Variants in PAQR5 observed in about 807,000 individuals in gnomAD.
The protein encoded by PAQR5 is membrane progestin receptor gamma.
A neutral mutation model predicts 34.5 loss-of-function variants in PAQR5; 20 were observed. That is an observed-to-expected ratio of 0.58 (90% CI 0.41 to 0.84). The LOEUF (loss-of-function observed/expected upper bound fraction) is 0.84, where lower values mean the gene tolerates loss of function less well. Among genes scored for constraint, PAQR5 ranks in the 40% least tolerant of loss-of-function variants. The pLI is 0.00. For missense variants in PAQR5, 378 were observed against 412.7 expected (o/e 0.92, Z 0.73); for synonymous variants, 131 against 155.6 (o/e 0.84, Z 1.18).
At chr15:69,389,223 G>A (rs530234516) in intron 5 of PAQR5, among the ~76,000 whole-genome samples, 3 of 152,268 alleles carry the variant, frequency 2.0e-5, no homozygotes, top group South Asian at 2.1e-4. Flanking sequence ...TGGGTCTGTC[G>A]TCATGGACCA....
chr15:69,301,851 G>A (rs1324207941), intron 1 of PAQR5, among the ~76,000 whole-genome samples: 1 of 119,092 alleles, frequency 8.4e-6, no homozygotes, highest in Non-Finnish European at 1.9e-5. Flanking sequence ...CATAAGAAAT[G>A]GGGGGAGATT....
intron 1 of PAQR5, among the ~76,000 whole-genome samples, chr15:69,323,598 A>G (rs941855641): frequency 3.3e-5 from 5 of 152,206 alleles, no homozygotes; most frequent in African/African-American, 1.2e-4. Context: ...ACCTGCCAAG[A>G]GTTAGAGGAC....
At chr15:69,382,979 G>C (rs753674206) in intron 4 of PAQR5, 2 of 151,568 alleles carry the variant, frequency 1.3e-5, no homozygotes, top group African/African-American at 4.9e-5. Context: ...GGGAGGTAAT[G>C]AGCCCCCCAT....
At chr15:69,328,698 G>A (rs774292740) in intron 1 of PAQR5, among the ~76,000 whole-genome samples, 14 of 152,196 alleles carry the variant, frequency 9.2e-5, no homozygotes, top group Non-Finnish European at 1.3e-4. Flanking sequence ...GACATGGATG[G>A]CAACCCCTCC....
At chr15:69,351,194 A>G (rs1024104906) in intron 2 of PAQR5, among the ~76,000 whole-genome samples, 2 of 152,252 alleles carry the variant, frequency 1.3e-5, no homozygotes, top group African/African-American at 4.8e-5. Flanking sequence ...AACATAATAA[A>G]TCAAAAACAA....
intron 5 of PAQR5, 99 bp from the exon 6 acceptor site, chr15:69,389,555 A>C: frequency 1.3e-6 from 2 of 1,495,252 alleles, no homozygotes; most frequent in East Asian, 2.3e-5. Flanking sequence ...GACTGTGGGA[A>C]TGATAAGGGC....
chr15:69,315,994 G>A (rs1382147479), intron 1 of PAQR5, among the ~76,000 whole-genome samples: 2 of 152,162 alleles, frequency 1.3e-5, no homozygotes, highest in Non-Finnish European at 1.5e-5. Context: ...AAGGCGGAGG[G>A]CTTACTATTT....
In PAQR5 at chr15:69,323,055, A is replaced by G. The variant is rs530070281; in HGVS notation, c.-276-14286A>G. Among the ~76,000 whole-genome samples, 26 of 152,014 alleles carry G rather than the reference A, an allele frequency of 1.7e-4. 1 individual carries two copies. Among genetic ancestry groups the G allele is most frequent in the Admixed American group, 4.6e-4 (7 of 15,260 alleles). On this transcript the variant is annotated intron_variant, in intron 1 of 8. Coordinates refer to ENST00000395407, the MANE Select transcript of PAQR5 (RefSeq NM_017705.4). ...GATATGCTAAGGAGTGGGGTTTTCC[A>G]GGACCTACTGCTGGGGACTGCGCTA...
intron 1 of PAQR5, among the ~76,000 whole-genome samples, chr15:69,332,351 A>G (rs2054400770): frequency 6.6e-6 from 1 of 152,130 alleles, no homozygotes; most frequent in African/African-American, 2.4e-5. Flanking sequence ...ACTGGATGAA[A>G]TTTCTCTGTC....
chr15:69,345,659 T>A (rs891913485), intron 2 of PAQR5, among the ~76,000 whole-genome samples: 1 of 152,172 alleles, frequency 6.6e-6, no homozygotes, highest in Non-Finnish European at 1.5e-5. Context: ...TCCTGGAGAG[T>A]GCATTAAACA....
chr15:69,401,094 G>C (rs1018407669), intron 8 of PAQR5: 2 of 152,324 alleles, frequency 1.3e-5, no homozygotes, highest in African/African-American at 2.4e-5. Flanking sequence ...TCCCCGCTCT[G>C]TCTAGGGAAG....
chr15:69,389,280 A>G (rs2056192356), intron 5 of PAQR5, among the ~76,000 whole-genome samples: 1 of 152,238 alleles, frequency 6.6e-6, no homozygotes, highest in African/African-American at 2.4e-5. Flanking sequence ...TCTGGGTTTG[A>G]AACCCATCTT....
intron 3 of PAQR5, among the ~76,000 whole-genome samples, chr15:69,375,151 T>A (rs901638004): frequency 2.0e-5 from 3 of 152,200 alleles, no homozygotes; most frequent in African/African-American, 7.2e-5. Context: ...TTCTCGCAGT[T>A]CCGGAGACTG....
intron 2 of PAQR5, among the ~76,000 whole-genome samples, chr15:69,348,987 A>C (rs1038363044): frequency 5.3e-5 from 8 of 152,206 alleles, no homozygotes; most frequent in African/African-American, 1.9e-4. Context: ...AACTAAAACT[A>C]TGGAAGGCAA....
chr15:69,354,802 A>C (rs1253679497), intron 2 of PAQR5, among the ~76,000 whole-genome samples: 4 of 152,194 alleles, frequency 2.6e-5, no homozygotes, highest in Non-Finnish European at 5.9e-5. Flanking sequence ...ATCCACCCTC[A>C]GTGTGGGCAG....
At chr15:69,371,289 C>CT (rs1302451455) in intron 3 of PAQR5, among the ~76,000 whole-genome samples, 2 of 151,840 alleles carry the variant, frequency 1.3e-5, no homozygotes, top group Non-Finnish European at 2.9e-5. Context: ...TACATTTTTT[C>CT]TTTTTTTAAT....
At chr15:69,322,201 G>T (rs1240660819) in intron 1 of PAQR5, among the ~76,000 whole-genome samples, 4 of 149,524 alleles carry the variant, frequency 2.7e-5, no homozygotes, top group Non-Finnish European at 5.9e-5. Context: ...GCCAGGGCCG[G>T]GTGCAGTGGC....
At chr15:69,365,883 T>A (rs4595750) in intron 3 of PAQR5, among the ~76,000 whole-genome samples, 2 of 152,104 alleles carry the variant, frequency 1.3e-5, no homozygotes, top group Non-Finnish European at 2.9e-5. Context: ...TCTGGAGTTA[T>A]GCAGGGAACA....
intron 1 of PAQR5, among the ~76,000 whole-genome samples, chr15:69,309,368 A>G (rs778459014): frequency 2.6e-5 from 4 of 152,212 alleles, no homozygotes; most frequent in Non-Finnish European, 4.4e-5. Flanking sequence ...GAGTAAGTGC[A>G]TGAGGACTGA....
Sources: allele counts gnomAD v4.1 joint callset (sites outside exome capture counted in the v4.1 genomes callset), GRCh38; gene constraint gnomAD v4.1.1; transcripts MANE v1.5; gene names NCBI Gene and HGNC (gene_info 2026-07-23, HGNC 2026-07-21).